CSMD1: variants seen among roughly 807,000 people sequenced by gnomAD.
CSMD1 encodes CUB and sushi domain-containing protein 1.
In CSMD1, 213 loss-of-function variants were observed where a neutral mutation model predicts 417.5. The ratio of observed to expected loss-of-function variants is 0.51; its 90% CI spans 0.46 to 0.57. The LOEUF (loss-of-function observed/expected upper bound fraction) is 0.57, where lower values mean the gene tolerates loss of function less well. CSMD1 is among the 20% of genes least tolerant of loss of function. The probability of loss-of-function intolerance (pLI) is 0.00; values close to 1 mark genes in which losing one functional copy is unlikely to be tolerated. For synonymous variants in CSMD1, 2,862 were observed against 1,736.8 expected (o/e 1.65, Z -16.11); for missense variants, 6,923 against 4,529.7 (o/e 1.53, Z -15.17).
intron 1 of CSMD1, among the ~76,000 whole-genome samples, chr8:4,987,594 T>C (rs1288313487): frequency 6.6e-6 from 1 of 152,172 alleles, no homozygotes; most frequent in Non-Finnish European, 1.5e-5. Flanking sequence ...AGCACTGGAA[T>C]CTGACTGATA....
chr8:3,065,875 C>T (rs1812906131), intron 49 of CSMD1, among the ~76,000 whole-genome samples: 1 of 152,184 alleles, frequency 6.6e-6, no homozygotes, highest in Non-Finnish European at 1.5e-5. Context: ...AAATCTGGCT[C>T]ATTATAAATG....
At position 3,660,463 on chromosome 8, in the gene CSMD1, G is replaced by C. The variant is rs979298470; in HGVS notation, c.1010-43666C>G. Among the ~76,000 whole-genome samples, 3 of 136,006 alleles carry C rather than the reference G, an allele frequency of 2.2e-5. No homozygotes were observed. The East Asian group carries it at 6.7e-4, about 30-fold the overall frequency. The allele number at this position is 136,006 out of a possible 152,430, so 89.2% of individuals were successfully genotyped here. Reference sequence around the variant, plus strand: ...GGAGTAAGAATTTATATGTAAACTAGGGCTCAGATCAAGTGGCTTTTTTTT... The same window carrying C: ...GGAGTAAGAATTTATATGTAAACTACGGCTCAGATCAAGTGGCTTTTTTTT... On this transcript the variant is annotated intron_variant, in intron 7 of 69. Transcript: ENST00000635120.
chr8:3,203,256 C>G (rs1797083911), intron 31 of CSMD1, among the ~76,000 whole-genome samples: 1 of 152,188 alleles, frequency 6.6e-6, no homozygotes, highest in African/African-American at 2.4e-5. Context: ...GAATGCCCAG[C>G]TCATTCTGGA....
intron 2 of CSMD1, among the ~76,000 whole-genome samples, chr8:4,514,831 A>G (rs1007441511): frequency 1.1e-4 from 17 of 152,268 alleles, no homozygotes; most frequent in Admixed American, 2.0e-4. Flanking sequence ...CTGTTTTCCA[A>G]CTTGTACAGG....
chr8:4,868,860 A>G (rs1802570825), intron 1 of CSMD1, among the ~76,000 whole-genome samples: 1 of 151,994 alleles, frequency 6.6e-6, no homozygotes. Context: ...CCAATTTCAG[A>G]TGATTTTTGA....
chr8:4,788,990 G>T (rs1182720908), intron 1 of CSMD1, among the ~76,000 whole-genome samples: 1 of 152,104 alleles, frequency 6.6e-6, no homozygotes, highest in Non-Finnish European at 1.5e-5. Context: ...TAAATTCATG[G>T]TTAGGACTCT....
chr8:3,957,494 T>C (rs1270028007), intron 5 of CSMD1, among the ~76,000 whole-genome samples: 4 of 151,982 alleles, frequency 2.6e-5, no homozygotes, highest in South Asian at 2.1e-4. Context: ...GTGGGCAACA[T>C]GGCCGCACTC....
intron 7 of CSMD1, among the ~76,000 whole-genome samples, chr8:3,708,031 T>A (rs988840340): frequency 1.6e-4 from 24 of 152,298 alleles, no homozygotes; most frequent in African/African-American, 5.5e-4. Flanking sequence ...AATATTTCAA[T>A]AGACAAAAGA....
chr8:4,633,946 A>T (rs1333762842), intron 2 of CSMD1, among the ~76,000 whole-genome samples: 1 of 152,032 alleles, frequency 6.6e-6, no homozygotes, highest in Non-Finnish European at 1.5e-5. Context: ...GAGGAAATGC[A>T]GAGTCAATAA....
At chr8:3,791,927 A>G (rs1049891348) in intron 5 of CSMD1, among the ~76,000 whole-genome samples, 6 of 152,212 alleles carry the variant, frequency 3.9e-5, no homozygotes, top group African/African-American at 1.4e-4. Flanking sequence ...AAACCTCAAT[A>G]GCGTTTGCAC....
At chr8:4,502,665 T>A (rs1011198041) in intron 2 of CSMD1, among the ~76,000 whole-genome samples, 3 of 152,218 alleles carry the variant, frequency 2.0e-5, no homozygotes, top group Admixed American at 2.0e-4. Flanking sequence ...ACTATAGCAT[T>A]TCTTGTTGAG....
chr8:2,999,949 T>C lies in CSMD1; in HGVS notation c.8203+9A>G. The C allele has an allele frequency of 1.2e-6, 2 of 1,604,366 alleles. No homozygotes were observed. Among genetic ancestry groups the C allele is most frequent in the South Asian group, 1.1e-5 (1 of 89,518 alleles). On this transcript the variant is annotated intron_variant, in intron 53 of 69. Coordinates refer to ENST00000635120, the MANE Select transcript of CSMD1 (RefSeq NM_033225.6). ...CATCGATGAATTCGTCCACAAAGAGTGCACTTACGGACACAGACAGGCGTT... is the reference window on the plus strand; with the variant it reads ...CATCGATGAATTCGTCCACAAAGAGCGCACTTACGGACACAGACAGGCGTT...
At chr8:3,919,335 A>G (rs1460198311) in intron 5 of CSMD1, among the ~76,000 whole-genome samples, 2 of 152,058 alleles carry the variant, frequency 1.3e-5, no homozygotes, top group Non-Finnish European at 2.9e-5. Flanking sequence ...CACGTGGGCC[A>G]GTTTCATTCC....
chr8:3,066,780 T>A (rs1444706127), intron 49 of CSMD1, among the ~76,000 whole-genome samples: 2 of 152,156 alleles, frequency 1.3e-5, no homozygotes, highest in Non-Finnish European at 2.9e-5. Flanking sequence ...AAAACTGAGC[T>A]ACACAGAAAA....
chr8:3,236,169 C>A (rs560253335), intron 26 of CSMD1, among the ~76,000 whole-genome samples: 1 of 151,982 alleles, frequency 6.6e-6, no homozygotes, highest in African/African-American at 2.4e-5. Context: ...CTGCCTGCCT[C>A]GGACTCCGAA....
chr8:4,340,319 C>T (rs919185323), intron 3 of CSMD1, among the ~76,000 whole-genome samples: 1 of 152,096 alleles, frequency 6.6e-6, no homozygotes, highest in Non-Finnish European at 1.5e-5. Flanking sequence ...CATCCAAACC[C>T]TTACATTGGC....
chr8:4,659,431 T>C (rs547178082), intron 1 of CSMD1, among the ~76,000 whole-genome samples: 34 of 152,254 alleles, frequency 2.2e-4, no homozygotes, highest in African/African-American at 7.9e-4. Context: ...TAATGTGACA[T>C]AGACTTGCAG....
intron 5 of CSMD1, among the ~76,000 whole-genome samples, chr8:3,773,136 C>T (rs1584976213): frequency 6.6e-6 from 1 of 152,202 alleles, no homozygotes; most frequent in Non-Finnish European, 1.5e-5. Flanking sequence ...TTCGCCAAGT[C>T]TCCACCTTCT....
intron 3 of CSMD1, among the ~76,000 whole-genome samples, chr8:4,086,390 C>G (rs546052096): frequency 1.3e-5 from 2 of 152,260 alleles, no homozygotes; most frequent in South Asian, 2.1e-4. Context: ...AAATTCAGTA[C>G]AGGCAGACAG....
Sources: allele counts gnomAD v4.1 joint callset (sites outside exome capture counted in the v4.1 genomes callset), GRCh38; gene constraint gnomAD v4.1.1; transcripts MANE v1.5; gene names NCBI Gene and HGNC (gene_info 2026-07-23, HGNC 2026-07-21).